The following NOL10 variants were observed in gnomAD, a reference collection of about 807,000 sequenced individuals.
NOL10 encodes the protein nucleolar protein 10.
NOL10 carries 58 observed loss-of-function variants against 103.5 expected under a neutral mutation model. That is an observed-to-expected ratio of 0.56 (90% CI 0.45 to 0.70). The LOEUF is 0.70. Ranked by LOEUF, NOL10 falls within the 30% of genes least tolerant of loss-of-function variation. The pLI is 0.00. For synonymous variants in NOL10, 287 were observed against 282.5 expected (o/e 1.02, Z -0.16); for missense variants, 763 against 807.3 (o/e 0.95, Z 0.67).
chr2:10,667,389 C>A, intron 7 of NOL10, 111 bp from the exon 8 acceptor site: 2 of 773,690 alleles, frequency 2.6e-6, no homozygotes, highest in Non-Finnish European at 4.4e-6. Context: ...AAAGAAGACA[C>A]ACAGATTCTC....
At chr2:10,638,324 T>TAAC (rs1558311233) in intron 13 of NOL10, among the ~76,000 whole-genome samples, 87 of 129,396 alleles carry the variant, frequency 6.7e-4, no homozygotes, top group African/African-American at 3.1e-3. Flanking sequence ...TGACGTGACG[T>TAAC]GACGTGACGT....
At chr2:10,664,214 T>C (rs1019049341) in intron 8 of NOL10, among the ~76,000 whole-genome samples, 2 of 151,988 alleles carry the variant, frequency 1.3e-5, no homozygotes, top group Non-Finnish European at 2.9e-5. Flanking sequence ...GTGGATCACC[T>C]GAGGTCAGGA....
rs899500784 is a variant in NOL10 at position 10,667,497 on chromosome 2, G to C, written c.531-219C>G. Among the ~76,000 whole-genome samples the C allele has an allele frequency of 7.6e-4, 116 of 152,146 alleles. 1 individual carries two copies. The highest frequency in any genetic ancestry group is 2.8e-3 in the African/African-American group (114 of 41,436). On this transcript the variant is annotated intron_variant, in intron 7 of 20. Transcript: ENST00000381685. ...TGATCCCCAGGGTGACACTCTACCT[G>C]CTAGGTGACAAACAAGGAGGGACTT...
At chr2:10,671,830 C>T (rs139036379) in intron 5 of NOL10, 140 bp from the exon 6 acceptor site, 2 of 598,778 alleles carry the variant, frequency 3.3e-6, no homozygotes, top group Non-Finnish European at 5.8e-6. Flanking sequence ...TCCATGCACA[C>T]ACACTCCACT....
At chr2:10,660,371 G>A (rs772193837) in intron 9 of NOL10, among the ~76,000 whole-genome samples, 3 of 152,124 alleles carry the variant, frequency 2.0e-5, no homozygotes, top group Non-Finnish European at 4.4e-5. Flanking sequence ...AGGCTGGAGT[G>A]CAGTGGCATG....
intron 20 of NOL10, among the ~76,000 whole-genome samples, chr2:10,573,152 G>A (rs1442766010): frequency 2.0e-5 from 3 of 151,752 alleles, no homozygotes; most frequent in Non-Finnish European, 2.9e-5. Context: ...AAGCGGAAAA[G>A]CACCGTCTTA....
chr2:10,646,657 A>T (rs1216383402), intron 12 of NOL10, among the ~76,000 whole-genome samples: 3 of 152,242 alleles, frequency 2.0e-5, no homozygotes, highest in Non-Finnish European at 4.4e-5. Flanking sequence ...TGATCAAGGC[A>T]GGAGAAGAGA....
Position 10,612,214 on chromosome 2 carries a change from G to A in NOL10, c.1027-4903C>T, listed in dbSNP as rs191336561. ...CACTCTACTTTAGAAAAATCACTGT[G>A]CTACATCCCAAAGCTGTGCTGAGAC... is the stretch of plus-strand genomic sequence containing the variant. On this transcript the variant is annotated intron_variant, in intron 13 of 20. Coordinates refer to ENST00000381685, the MANE Select transcript of NOL10 (RefSeq NM_024894.4). Among the ~76,000 whole-genome samples, 16 of 152,282 alleles carry A rather than the reference G, an allele frequency of 1.1e-4. No homozygotes were observed. In the East Asian group the frequency reaches 3.1e-3, roughly 29 times the overall value.
At chr2:10,645,372 T>C (rs1385340986) in intron 12 of NOL10, among the ~76,000 whole-genome samples, 2 of 152,208 alleles carry the variant, frequency 1.3e-5, no homozygotes. Context: ...ATACCAAATG[T>C]TAAGGGCAAT....
At position 10,667,150 on chromosome 2, in the gene NOL10, T is replaced by A. The variant is rs950040086; in HGVS notation, c.591+68A>T. On this transcript the variant is annotated intron_variant, in intron 8 of 20. Coordinates refer to ENST00000381685, the MANE Select transcript of NOL10 (RefSeq NM_024894.4). ...TGCTCTAAGGAATCAAGCAACTCAGTCTTTAAATAAAAATTCCAATCAAAT... is the reference window on the plus strand; with the variant it reads ...TGCTCTAAGGAATCAAGCAACTCAGACTTTAAATAAAAATTCCAATCAAAT... 26 of 1,157,744 alleles carry A rather than the reference T, an allele frequency of 2.2e-5. No individual in the cohort carries two copies. In the African/African-American group the frequency reaches 3.8e-4, roughly 17 times the overall value. The allele number at this position is 1,157,744 out of a possible 1,614,324, so 71.7% of individuals were successfully genotyped here.
chr2:10,638,792 C>CTTTTTTTTTT (rs575658225), intron 13 of NOL10, among the ~76,000 whole-genome samples: 2 of 52,858 alleles, frequency 3.8e-5, no homozygotes, highest in South Asian at 7.6e-4. Context: ...CGTGCCTGGC[C>CTTTTTTTTTT]TTTTTTTTTT....
rs149152955 is a variant in NOL10, at chr2:10,610,659, C to T, written c.1027-3348G>A. Among the ~76,000 whole-genome samples the T allele has an allele frequency of 6.2e-3, 947 of 152,290 alleles. 4 individuals carry two copies. The highest frequency in any genetic ancestry group is 0.021 in the African/African-American group (859 of 41,558). ...ATTAAGTTTCAAAAACAGTGGCCAGCTTAGCCAATAAGGAGGGCTCAACCA... is the reference window on the plus strand; with the variant it reads ...ATTAAGTTTCAAAAACAGTGGCCAGTTTAGCCAATAAGGAGGGCTCAACCA... On this transcript the variant is annotated intron_variant, in intron 13 of 20. Transcript: ENST00000381685.
At chr2:10,666,703 T>TA (rs56015136) in intron 8 of NOL10, among the ~76,000 whole-genome samples, 11 of 148,040 alleles carry the variant, frequency 7.4e-5, no homozygotes, top group African/African-American at 2.5e-4. Context: ...CTGTTATGTC[T>TA]AAAAAAAAAA....
chr2:10,607,145 A>G (rs6759740), intron 14 of NOL10, 40 bp downstream of exon 14: 718,861 of 1,361,200 alleles, frequency 0.53, 195,007 homozygotes, highest in African/African-American at 0.74. Context: ...AAGTAGAAAT[A>G]AAGTAATTAC....
intron 19 of NOL10, among the ~76,000 whole-genome samples, chr2:10,584,139 C>T (rs547717305): frequency 2.5e-4 from 38 of 152,294 alleles, no homozygotes; most frequent in African/African-American, 8.7e-4. Context: ...CCTGAATGCT[C>T]CACTCTGCAT....
chr2:10,650,812 G>A (rs1679408613), intron 12 of NOL10, among the ~76,000 whole-genome samples: 1 of 152,158 alleles, frequency 6.6e-6, no homozygotes. Context: ...TTCCAGAGAT[G>A]CGTAGTTGAA....
At chr2:10,630,586 G>A (rs1677770823) in intron 13 of NOL10, among the ~76,000 whole-genome samples, 1 of 152,034 alleles carries the variant, frequency 6.6e-6, no homozygotes, top group African/African-American at 2.4e-5. Context: ...GTGGTGGCAG[G>A]TGCCTGTAGT....
At chr2:10,643,061 T>C (rs781381361) in intron 13 of NOL10, among the ~76,000 whole-genome samples, 8 of 152,194 alleles carry the variant, frequency 5.3e-5, no homozygotes, top group Non-Finnish European at 7.3e-5. Context: ...GATGGATAAG[T>C]TGACAGGAAT....
At chr2:10,573,672 A>AG (rs34621272) in intron 20 of NOL10, among the ~76,000 whole-genome samples, 1 of 151,590 alleles carries the variant, frequency 6.6e-6, no homozygotes, top group East Asian at 1.9e-4. Flanking sequence ...AAAAAAAAAA[A>AG]GGATGCATTT....
Sources: allele counts gnomAD v4.1 joint callset (sites outside exome capture counted in the v4.1 genomes callset), GRCh38; gene constraint gnomAD v4.1.1; transcripts MANE v1.5; gene names NCBI Gene and HGNC (gene_info 2026-07-23, HGNC 2026-07-21).